LRRTM4: variants seen among roughly 807,000 people sequenced by gnomAD.
LRRTM4 encodes the protein leucine rich repeat transmembrane neuronal 4.
Under a neutral mutation model 47.6 loss-of-function variants are expected in LRRTM4, and 25 were observed. The ratio of observed to expected loss-of-function variants is 0.53; its 90% CI spans 0.38 to 0.73. LRRTM4 has a LOEUF of 0.73. LRRTM4 is among the 30% of genes least tolerant of loss of function. The pLI is 0.00. For synonymous variants in LRRTM4, 311 were observed against 269.5 expected, an observed-to-expected ratio of 1.15 and a Z score of -1.51; for missense variants, 638 against 713.4, an observed-to-expected ratio of 0.89 and a Z score of 1.20.
In LRRTM4 at chr2:76,951,613, A is replaced by AAG. The variant is rs573643873; in HGVS notation, c.1552-202698_1552-202697insCT. Among the ~76,000 whole-genome samples, 36 of 152,048 alleles carry AAG rather than the reference A, an allele frequency of 2.4e-4. 1 individual carries two copies. In the East Asian group the frequency reaches 6.6e-3, roughly 28 times the overall value. ...AAATTGCTGCTCAAACCTTCAGATA[A>AAG]TAGATAATTTTTTTCTTTTACTTTA... On this transcript the variant is annotated intron_variant, in intron 3 of 3. Coordinates refer to ENST00000409884, the MANE Select transcript of LRRTM4 (RefSeq NM_001134745.3).
At chr2:76,878,620 G>C (rs1431470636) in intron 3 of LRRTM4, among the ~76,000 whole-genome samples, 1 of 152,068 alleles carries the variant, frequency 6.6e-6, no homozygotes, top group Non-Finnish European at 1.5e-5. Flanking sequence ...TCCCAGCCCA[G>C]CACTTTGGTA....
intron 3 of LRRTM4, among the ~76,000 whole-genome samples, chr2:76,773,739 G>C (rs1673821154): frequency 6.7e-6 from 1 of 150,356 alleles, no homozygotes; most frequent in African/African-American, 2.4e-5. Flanking sequence ...AAATCAAAAA[G>C]ATTTTAGGAA....
chr2:77,228,343 T>C (rs1054267907), intron 3 of LRRTM4, among the ~76,000 whole-genome samples: 7 of 152,084 alleles, frequency 4.6e-5, no homozygotes, highest in African/African-American at 1.7e-4. Flanking sequence ...CTAATCTGGT[T>C]TTGTCCCACC....
At chr2:77,251,114 A>T (rs575931252) in intron 3 of LRRTM4, among the ~76,000 whole-genome samples, 134 of 150,004 alleles carry the variant, frequency 8.9e-4, no homozygotes, top group Middle Eastern at 6.9e-3. Context: ...CAAGAAAAAA[A>T]ATATATATAC....
chr2:76,852,631 A>T (rs1040118977), intron 3 of LRRTM4, among the ~76,000 whole-genome samples: 2 of 152,146 alleles, frequency 1.3e-5, no homozygotes, highest in African/African-American at 2.4e-5. Context: ...TACATTCATA[A>T]TAATTATTTA....
chr2:77,043,568 A>G (rs1391525171), intron 3 of LRRTM4, among the ~76,000 whole-genome samples: 1 of 151,786 alleles, frequency 6.6e-6, no homozygotes, highest in Non-Finnish European at 1.5e-5. Flanking sequence ...TATAATCAAC[A>G]ATGACACTGC....
chr2:77,312,362 A>G (rs1253451748), intron 3 of LRRTM4, among the ~76,000 whole-genome samples: 1 of 152,164 alleles, frequency 6.6e-6, no homozygotes. Flanking sequence ...ATTTAGTTGT[A>G]TCAACGAGGT....
chr2:77,006,756 G>A (rs755022834), intron 3 of LRRTM4, among the ~76,000 whole-genome samples: 12 of 152,168 alleles, frequency 7.9e-5, no homozygotes, highest in Non-Finnish European at 1.3e-4. Flanking sequence ...TTTGGTGCTT[G>A]TCTATGGCAG....
intron 3 of LRRTM4, among the ~76,000 whole-genome samples, chr2:76,885,071 G>C (rs1422853109): frequency 6.6e-6 from 1 of 151,836 alleles, no homozygotes; most frequent in South Asian, 2.1e-4. Context: ...CAAAATGTTA[G>C]TAGTGCTTCT....
At chr2:76,749,658 G>C (rs1258641361) in intron 3 of LRRTM4, among the ~76,000 whole-genome samples, 1 of 152,082 alleles carries the variant, frequency 6.6e-6, no homozygotes, top group African/African-American at 2.4e-5. Flanking sequence ...TAACAGACCT[G>C]AATAATGGTC....
intron 3 of LRRTM4, among the ~76,000 whole-genome samples, chr2:77,162,521 C>T (rs555056503): frequency 4.5e-4 from 69 of 152,288 alleles, no homozygotes; most frequent in African/African-American, 1.5e-3. Context: ...CAGACTGCCT[C>T]CTCAAGTGGG....
chr2:76,943,663 T>A (rs1410198448), intron 3 of LRRTM4, among the ~76,000 whole-genome samples: 1 of 152,186 alleles, frequency 6.6e-6, no homozygotes, highest in African/African-American at 2.4e-5. Context: ...GCCTTTTGAA[T>A]GACATCAGTT....
intron 3 of LRRTM4, among the ~76,000 whole-genome samples, chr2:77,114,224 C>T (rs1264691505): frequency 6.6e-6 from 1 of 152,108 alleles, no homozygotes; most frequent in Non-Finnish European, 1.5e-5. Context: ...GAACATAATT[C>T]CCTGTAGGGA....
At chr2:77,199,369 A>G (rs1673914111) in intron 3 of LRRTM4, among the ~76,000 whole-genome samples, 1 of 152,158 alleles carries the variant, frequency 6.6e-6, no homozygotes, top group African/African-American at 2.4e-5. Flanking sequence ...CATAACTAGT[A>G]AAATCAGGAA....
rs367628253 is a variant in LRRTM4, at chr2:77,515,061, T to C, written c.1551+3257A>G. ...CTTTAAATTCTCTTTTCTGAGTACA[T>C]ACTGAGGATGTATGTACTAAGTGAA... On this transcript the variant is annotated intron_variant, in intron 3 of 3. Transcript: ENST00000409884. Among the ~76,000 whole-genome samples the C allele has an allele frequency of 7.0e-4, 106 of 152,014 alleles. 3 individuals are homozygous for C. In the South Asian group the frequency reaches 0.02, roughly 29 times the overall value.
chr2:77,315,789 A>T (rs913192467), intron 3 of LRRTM4, among the ~76,000 whole-genome samples: 8 of 152,018 alleles, frequency 5.3e-5, no homozygotes, highest in African/African-American at 1.9e-4. Flanking sequence ...CTGGGAACTA[A>T]CTCTTCAAAA....
intron 3 of LRRTM4, among the ~76,000 whole-genome samples, chr2:77,095,809 G>A (rs1670796494): frequency 6.6e-6 from 1 of 152,066 alleles, no homozygotes; most frequent in Non-Finnish European, 1.5e-5. Flanking sequence ...CACTGTGCCT[G>A]GCCTCTATAC....
At chr2:76,803,579 G>T (rs1193107216) in intron 3 of LRRTM4, among the ~76,000 whole-genome samples, 1 of 152,130 alleles carries the variant, frequency 6.6e-6, no homozygotes, top group African/African-American at 2.4e-5. Flanking sequence ...AGATGATTCG[G>T]CAATACCGCT....
chr2:76,856,526 A>T (rs573695674), intron 3 of LRRTM4, among the ~76,000 whole-genome samples: 2 of 152,154 alleles, frequency 1.3e-5, no homozygotes, highest in African/African-American at 4.8e-5. Context: ...GATTTCTAGG[A>T]ATCTCAATTA....
Sources: gnomAD v4.1 joint callset for allele counts (sites outside exome capture counted in the v4.1 genomes callset) on GRCh38, gnomAD v4.1.1 for gene constraint, MANE v1.5 for transcripts, NCBI Gene and HGNC (gene_info 2026-07-23, HGNC 2026-07-21) for gene names.